The following UNC5D variants were observed in gnomAD, a reference collection of about 807,000 sequenced individuals.
The protein encoded by UNC5D is netrin receptor UNC5D.
In UNC5D, 39 loss-of-function variants were observed where a neutral mutation model predicts 105.4. The ratio of observed to expected loss-of-function variants is 0.37; its 90% CI spans 0.29 to 0.48. UNC5D has a LOEUF of 0.48. UNC5D is among the 20% of genes least tolerant of loss of function. The probability of loss-of-function intolerance (pLI) is 0.98; values close to 1 mark genes in which losing one functional copy is unlikely to be tolerated. For synonymous variants in UNC5D, 452 were observed against 450.4 expected, an observed-to-expected ratio of 1.00 and a Z score of -0.04; for missense variants, 991 against 1,202.4, an observed-to-expected ratio of 0.82 and a Z score of 2.60.
intron 1 of UNC5D, among the ~76,000 whole-genome samples, chr8:35,436,612 G>T (rs1221703379): frequency 2.0e-5 from 3 of 151,928 alleles, no homozygotes; most frequent in Non-Finnish European, 2.9e-5. Context: ...GTGTCATACA[G>T]AAATTTTTAG....
chr8:35,766,986 A>G lies in UNC5D; in HGVS notation c.2398A>G (p.Thr800Ala), dbSNP rs754189665. ...FSLERYTPTT[T>A]QLSCKICIRQ... ...CCTGGAGCGTTATACGCCCACTACC[A>G]CCCAGCTGTCCTGCAAAATCTGCAT... Residue 800 changes from threonine (T) to alanine (A), a missense_variant, in exon 15 of 17, where the codon ACC becomes GCC. This residue lies in a region of UNC5D where 944 missense variants were observed against 1,131.6 expected (regional missense o/e 0.83). Transcript: ENST00000404895. The G allele has an allele frequency of 1.2e-6, 2 of 1,613,870 alleles. No individual in the cohort carries two copies. Among genetic ancestry groups the G allele is most frequent in the Non-Finnish European group, 1.7e-6 (2 of 1,179,928 alleles).
intron 3 of UNC5D, among the ~76,000 whole-genome samples, chr8:35,592,221 ACT>A: frequency 6.6e-6 from 1 of 152,012 alleles, no homozygotes. Flanking sequence ...CCTATTTATA[ACT>A]CTCTACTCTA....
intron 4 of UNC5D, among the ~76,000 whole-genome samples, chr8:35,650,063 A>G (rs1011081241): frequency 2.0e-5 from 3 of 152,206 alleles, no homozygotes; most frequent in African/African-American, 7.2e-5. Flanking sequence ...ATTGTCTTTG[A>G]AACCTTCAGG....
At chr8:35,770,362 C>T (rs545411402) in intron 15 of UNC5D, among the ~76,000 whole-genome samples, 3 of 152,298 alleles carry the variant, frequency 2.0e-5, no homozygotes, top group Admixed American at 1.3e-4. Flanking sequence ...TTTGATCCTT[C>T]ATGTTCAGCC....
chr8:35,389,772 A>C (rs1256089797), intron 1 of UNC5D, among the ~76,000 whole-genome samples: 3 of 150,902 alleles, frequency 2.0e-5, no homozygotes, highest in African/African-American at 7.3e-5. Flanking sequence ...TCGTGGGGCA[A>C]TATGTACAAG....
intron 1 of UNC5D, among the ~76,000 whole-genome samples, chr8:35,299,171 T>C (rs1807730345): frequency 6.6e-6 from 1 of 152,184 alleles, no homozygotes; most frequent in African/African-American, 2.4e-5. Flanking sequence ...ACATTTGAGC[T>C]TGAAGGACCA....
At chr8:35,417,737 T>C (rs1468540977) in intron 1 of UNC5D, among the ~76,000 whole-genome samples, 2 of 152,188 alleles carry the variant, frequency 1.3e-5, no homozygotes, top group African/African-American at 4.8e-5. Context: ...TGTTATTAAA[T>C]TTCCCTCTTG....
At chr8:35,242,307 A>G (rs1802852973) in intron 1 of UNC5D, among the ~76,000 whole-genome samples, 2 of 152,154 alleles carry the variant, frequency 1.3e-5, no homozygotes, top group African/African-American at 4.8e-5. Context: ...AAATGACATC[A>G]CAGACATTTG....
At chr8:35,767,562 C>T (rs150414478) in intron 15 of UNC5D, among the ~76,000 whole-genome samples, 43 of 152,250 alleles carry the variant, frequency 2.8e-4, no homozygotes, top group African/African-American at 1.0e-3. Flanking sequence ...CTCATACTCC[C>T]CAGGCTCAGA....
intron 1 of UNC5D, among the ~76,000 whole-genome samples, chr8:35,481,802 T>A (rs1221313464): frequency 6.6e-6 from 1 of 152,254 alleles, no homozygotes; most frequent in East Asian, 1.9e-4. Flanking sequence ...TTATATTCTC[T>A]ATTTTTATTT....
intron 1 of UNC5D, among the ~76,000 whole-genome samples, chr8:35,392,975 A>G (rs1803868280): frequency 6.6e-6 from 1 of 151,814 alleles, no homozygotes; most frequent in Non-Finnish European, 1.5e-5. Flanking sequence ...TAACATTCAT[A>G]TATTTTGTTC....
At chr8:35,470,221 T>C (rs1313687872) in intron 1 of UNC5D, among the ~76,000 whole-genome samples, 1 of 152,178 alleles carries the variant, frequency 6.6e-6, no homozygotes, top group Non-Finnish European at 1.5e-5. Flanking sequence ...CTGTGTGAAA[T>C]GGCTTGTAAG....
At chr8:35,692,940 A>G (rs981389077) in intron 7 of UNC5D, among the ~76,000 whole-genome samples, 4 of 152,044 alleles carry the variant, frequency 2.6e-5, no homozygotes, top group Non-Finnish European at 5.9e-5. Context: ...TGCATAGCAA[A>G]TGTGGATATA....
chr8:35,615,814 A>C (rs1820993512), intron 4 of UNC5D, among the ~76,000 whole-genome samples: 1 of 152,204 alleles, frequency 6.6e-6, no homozygotes, highest in African/African-American at 2.4e-5. Context: ...ACTATGGTAG[A>C]TATCTGGGGA....
intron 1 of UNC5D, among the ~76,000 whole-genome samples, chr8:35,449,344 A>G (rs1441249662): frequency 1.3e-5 from 2 of 151,910 alleles, no homozygotes; most frequent in Non-Finnish European, 2.9e-5. Context: ...GGCACCTTCC[A>G]TGTCCTCTCT....
At chr8:35,603,025 T>C (rs1223675645) in intron 4 of UNC5D, among the ~76,000 whole-genome samples, 4 of 151,888 alleles carry the variant, frequency 2.6e-5, no homozygotes, top group Non-Finnish European at 4.4e-5. Flanking sequence ...TTTTGAAGGG[T>C]TTTTTGTGTC....
At chr8:35,766,133 C>T (rs1563746388) in intron 14 of UNC5D, among the ~76,000 whole-genome samples, 1 of 152,078 alleles carries the variant, frequency 6.6e-6, no homozygotes, top group Admixed American at 6.5e-5. Flanking sequence ...TTTTGCCTCT[C>T]AGTTGTCCAT....
chr8:35,419,996 A>G (rs1328944592), intron 1 of UNC5D, among the ~76,000 whole-genome samples: 5 of 152,060 alleles, frequency 3.3e-5, no homozygotes, highest in East Asian at 3.9e-4. Context: ...TGGGCTCGGA[A>G]TGGGGGAGTG....
At chr8:35,442,234 A>G (rs973872624) in intron 1 of UNC5D, among the ~76,000 whole-genome samples, 1 of 151,902 alleles carries the variant, frequency 6.6e-6, no homozygotes, top group African/African-American at 2.4e-5. Flanking sequence ...GTCTTCCTTC[A>G]TAACCTTGCT....
Sources: allele counts gnomAD v4.1 joint callset (sites outside exome capture counted in the v4.1 genomes callset), GRCh38; gene constraint gnomAD v4.1.1; regional missense constraint gnomAD v4.1.1; transcripts MANE v1.5; gene names NCBI Gene and HGNC (gene_info 2026-07-23, HGNC 2026-07-21).